The following BLVRA variants were observed in gnomAD, a reference collection of about 807,000 sequenced individuals.
The protein encoded by BLVRA is biliverdin reductase A.
Under a neutral mutation model 32.8 loss-of-function variants are expected in BLVRA, and 22 were observed. That is an observed-to-expected ratio of 0.67 (90% CI 0.48 to 0.96). The LOEUF (loss-of-function observed/expected upper bound fraction) is 0.96, where lower values mean the gene tolerates loss of function less well. Among genes scored for constraint, BLVRA ranks in the 40% least tolerant of loss-of-function variants. BLVRA has a pLI of 0.00. For missense variants in BLVRA, 323 were observed against 358.1 expected (o/e 0.90, Z 0.79); for synonymous variants, 119 against 141.3 (o/e 0.84, Z 1.12).
chr7:43,771,784 A>G (rs988985683), intron 2 of BLVRA, among the ~76,000 whole-genome samples: 1 of 152,122 alleles, frequency 6.6e-6, no homozygotes, highest in African/African-American at 2.4e-5. Context: ...CAGCTGGCAG[A>G]TGTCTCAACA....
At chr7:43,785,110 C>T (rs1174307566) in intron 2 of BLVRA, among the ~76,000 whole-genome samples, 1 of 151,630 alleles carries the variant, frequency 6.6e-6, no homozygotes, top group Non-Finnish European at 1.5e-5. Context: ...AACCTTGTGC[C>T]TTTTTTTTAA....
In BLVRA at chr7:43,807,244, G is replaced by T. The variant is rs372064260; in HGVS notation, c.*9G>T. ...GCTGTTCAAGGAAGTAAGAGGAGGA[G>T]GTGATGTAGCACTTCCAAGATGGCA... On this transcript the variant is annotated 3_prime_UTR_variant, in exon 8 of 8. Coordinates refer to ENST00000265523, the MANE Select transcript of BLVRA (RefSeq NM_000712.4). 5 of 1,602,340 alleles carry T rather than the reference G, an allele frequency of 3.1e-6. No homozygotes were observed. In the Admixed American group the frequency reaches 8.3e-5, roughly 27 times the overall value.
intron 5 of BLVRA, among the ~76,000 whole-genome samples, chr7:43,794,730 A>C (rs1057417869): frequency 3.3e-5 from 5 of 152,124 alleles, no homozygotes; most frequent in Non-Finnish European, 7.4e-5. Flanking sequence ...ATGAAACTCT[A>C]TCTCTAAATA....
intron 2 of BLVRA, 33 bp downstream of exon 2, chr7:43,771,203 G>T: frequency 6.2e-7 from 1 of 1,609,922 alleles, no homozygotes; most frequent in Non-Finnish European, 8.5e-7. Flanking sequence ...TTTAAGGGAT[G>T]CTTTTCTTAT....
At chr7:43,784,945 A>G (rs1186050337) in intron 2 of BLVRA, among the ~76,000 whole-genome samples, 1 of 152,122 alleles carries the variant, frequency 6.6e-6, no homozygotes, top group Non-Finnish European at 1.5e-5. Context: ...TCAGTTTTGC[A>G]AGGCAGTAAT....
At chr7:43,776,860 C>T (rs1340527922) in intron 2 of BLVRA, among the ~76,000 whole-genome samples, 2 of 152,138 alleles carry the variant, frequency 1.3e-5, no homozygotes, top group East Asian at 3.8e-4. Context: ...GGATAGTTAG[C>T]TCTTCTTGTT....
At chr7:43,774,538 G>A (rs1298267436) in intron 2 of BLVRA, among the ~76,000 whole-genome samples, 8 of 152,182 alleles carry the variant, frequency 5.3e-5, no homozygotes, top group South Asian at 4.1e-4. Flanking sequence ...TTTGGTTACC[G>A]TAGCCTTGTA....
chr7:43,775,102 T>C (rs1187125640), intron 2 of BLVRA, among the ~76,000 whole-genome samples: 1 of 152,068 alleles, frequency 6.6e-6, no homozygotes, highest in Non-Finnish European at 1.5e-5. Flanking sequence ...CAATTTGACT[T>C]CCTCTTTTCC....
At chr7:43,788,294 G>A (rs1469690138) in intron 3 of BLVRA, among the ~76,000 whole-genome samples, 2 of 152,216 alleles carry the variant, frequency 1.3e-5, no homozygotes, top group African/African-American at 4.8e-5. Flanking sequence ...AGTTAGAGAA[G>A]GGGCACAGAA....
intron 3 of BLVRA, among the ~76,000 whole-genome samples, chr7:43,790,153 G>C (rs1194383957): frequency 6.6e-6 from 1 of 151,932 alleles, no homozygotes; most frequent in Non-Finnish European, 1.5e-5. Flanking sequence ...CTTGCTAGCT[G>C]TCCCACATTC....
At chr7:43,775,721 G>A (rs1183327716) in intron 2 of BLVRA, among the ~76,000 whole-genome samples, 1 of 152,206 alleles carries the variant, frequency 6.6e-6, no homozygotes, top group Admixed American at 6.5e-5. Flanking sequence ...AATGGTACCA[G>A]CTCCTCCTTG....
chr7:43,779,912 T>C (rs2095766756), intron 2 of BLVRA, among the ~76,000 whole-genome samples: 1 of 152,014 alleles, frequency 6.6e-6, no homozygotes, highest in African/African-American at 2.4e-5. Flanking sequence ...CCTCATTCTG[T>C]CACCCAGCTG....
intron 1 of BLVRA, among the ~76,000 whole-genome samples, chr7:43,770,687 T>G (rs1387963460): frequency 1.3e-5 from 2 of 152,124 alleles, no homozygotes; most frequent in Non-Finnish European, 2.9e-5. Flanking sequence ...CTTGGACTAT[T>G]CTTTGAACAT....
intron 1 of BLVRA, among the ~76,000 whole-genome samples, chr7:43,763,897 T>C (rs2095745029): frequency 6.6e-6 from 1 of 152,170 alleles, no homozygotes; most frequent in Non-Finnish European, 1.5e-5. Flanking sequence ...ATCTGAGAAC[T>C]TGGAGCGCCT....
At chr7:43,791,121 G>A in intron 3 of BLVRA, 128 bp from the exon 4 acceptor site, 1 of 1,510,852 alleles carries the variant, frequency 6.6e-7, no homozygotes, top group Non-Finnish European at 8.9e-7. Context: ...CCTGGAAGTG[G>A]GAGAGAAGAA....
At chr7:43,796,122 A>C (rs1290007762) in intron 5 of BLVRA, among the ~76,000 whole-genome samples, 5 of 101,106 alleles carry the variant, frequency 4.9e-5, no homozygotes, top group Non-Finnish European at 1.1e-4. Flanking sequence ...TCTGTCTCAC[A>C]AAAAAAAAAA....
At chr7:43,805,310 T>G (rs2095803002) in intron 7 of BLVRA, among the ~76,000 whole-genome samples, 1 of 150,074 alleles carries the variant, frequency 6.7e-6, no homozygotes, top group African/African-American at 2.5e-5. Context: ...TGAGACAAAG[T>G]CTTGCTCTGT....
chr7:43,801,286 G>A (rs1422284168), intron 6 of BLVRA, among the ~76,000 whole-genome samples: 3 of 152,144 alleles, frequency 2.0e-5, no homozygotes, highest in African/African-American at 4.8e-5. Flanking sequence ...ATGAGCCACC[G>A]TGCCCAGCTG....
intron 2 of BLVRA, among the ~76,000 whole-genome samples, chr7:43,780,075 T>C (rs959163594): frequency 3.3e-5 from 5 of 152,092 alleles, no homozygotes; most frequent in Admixed American, 2.0e-4. Flanking sequence ...TTTCACTATG[T>C]TGGCCAGGCT....
Sources: allele counts gnomAD v4.1 joint callset (sites outside exome capture counted in the v4.1 genomes callset), GRCh38; gene constraint gnomAD v4.1.1; transcripts MANE v1.5; gene names NCBI Gene and HGNC (gene_info 2026-07-23, HGNC 2026-07-21).